Variants in IFT74 observed in about 807,000 individuals in gnomAD.
IFT74 encodes the protein intraflagellar transport 74.
Under a neutral mutation model 96.7 loss-of-function variants are expected in IFT74, and 92 were observed. The observed-to-expected ratio is 0.95, with a 90% CI of 0.80 to 1.13. IFT74 has a LOEUF of 1.13. IFT74 is among the 50% of genes most tolerant of loss of function. The probability of loss-of-function intolerance (pLI) is 0.00; values close to 1 mark genes in which losing one functional copy is unlikely to be tolerated. For synonymous variants in IFT74, 223 were observed against 213.2 expected, an observed-to-expected ratio of 1.05 and a Z score of -0.40; for missense variants, 811 against 698.2, an observed-to-expected ratio of 1.16 and a Z score of -1.82.
intron 9 of IFT74, among the ~76,000 whole-genome samples, chr9:27,009,821 A>T (rs1587346379): frequency 6.6e-6 from 1 of 152,062 alleles, no homozygotes; most frequent in Non-Finnish European, 1.5e-5. Flanking sequence ...TTCCATTTTT[A>T]AAAATTAATT....
chr9:26,967,066 G>A (rs929339503), intron 2 of IFT74, among the ~76,000 whole-genome samples: 1 of 150,428 alleles, frequency 6.6e-6, no homozygotes, highest in African/African-American at 2.4e-5. Context: ...ATTCAGGATG[G>A]GTTTGGCTAT....
chr9:26,968,640 C>T (rs1486223995), intron 2 of IFT74, among the ~76,000 whole-genome samples: 4 of 152,094 alleles, frequency 2.6e-5, no homozygotes, highest in Non-Finnish European at 5.9e-5. Context: ...GTTCAGTCTC[C>T]GTTGGTTGTA....
At chr9:26,961,851 G>C in intron 1 of IFT74, 98 bp from the exon 2 acceptor site, 1 of 1,325,348 alleles carries the variant, frequency 7.5e-7, no homozygotes, top group East Asian at 2.3e-5. Context: ...CAGTTTGCAA[G>C]AACAATTGTT....
At chr9:27,053,099 G>A (rs1433181186) in intron 16 of IFT74, among the ~76,000 whole-genome samples, 4 of 148,608 alleles carry the variant, frequency 2.7e-5, no homozygotes, top group South Asian at 2.1e-4. Context: ...TCCTGACCTC[G>A]TGATCCGCCC....
chr9:26,962,805 A>G (rs1297952887), intron 2 of IFT74, among the ~76,000 whole-genome samples: 2 of 152,090 alleles, frequency 1.3e-5, no homozygotes, highest in Non-Finnish European at 2.9e-5. Flanking sequence ...TTTATTATAT[A>G]TCTGAATTTA....
chr9:27,008,995 G>A (rs542539670), intron 8 of IFT74, 25 bp from the exon 9 acceptor site: 7 of 1,590,206 alleles, frequency 4.4e-6, no homozygotes, highest in Middle Eastern at 1.8e-4. Flanking sequence ...ATAGTATCAG[G>A]AATATTACGT....
chr9:26,947,229 G>A, intron 1 of IFT74: 1 of 628,622 alleles, frequency 1.6e-6, no homozygotes, highest in Non-Finnish European at 2.6e-6. Context: ...CGGGCCGAGT[G>A]ACACAGCAAG....
intron 8 of IFT74, among the ~76,000 whole-genome samples, chr9:27,004,436 T>C (rs955727935): frequency 6.6e-6 from 1 of 152,230 alleles, no homozygotes; most frequent in Admixed American, 6.5e-5. Flanking sequence ...TGTGAGAGTT[T>C]TCACATATTT....
intron 16 of IFT74, among the ~76,000 whole-genome samples, chr9:27,054,746 GCAACA>G (rs1587423424): frequency 6.6e-6 from 1 of 152,148 alleles, no homozygotes. Context: ...GTTGAAAAAG[GCAACA>G]CTCTGCCTTC....
At chr9:27,015,676 T>A (rs1829304495) in intron 10 of IFT74, among the ~76,000 whole-genome samples, 1 of 152,134 alleles carries the variant, frequency 6.6e-6, no homozygotes, top group Admixed American at 6.6e-5. Flanking sequence ...TCTAAGAATT[T>A]TATTTTGTTC....
At chr9:27,003,057 C>T (rs1828584415) in intron 8 of IFT74, among the ~76,000 whole-genome samples, 1 of 152,078 alleles carries the variant, frequency 6.6e-6, no homozygotes, top group African/African-American at 2.4e-5. Context: ...CTATCGTAAA[C>T]AGGCTTGCTT....
chr9:27,047,240 A>G (rs1386357814), intron 14 of IFT74, 34 bp from the exon 15 acceptor site: 14 of 1,253,306 alleles, frequency 1.1e-5, no homozygotes, highest in Non-Finnish European at 1.4e-5. Flanking sequence ...TAACTCTATC[A>G]GCAGTAATCT....
At chr9:27,054,921 A>G (rs1820093101) in intron 16 of IFT74, among the ~76,000 whole-genome samples, 1 of 152,242 alleles carries the variant, frequency 6.6e-6, no homozygotes, top group Non-Finnish European at 1.5e-5. Context: ...TCATAGCCTT[A>G]TGGAGAAAAT....
chr9:27,007,277 A>G (rs921746870), intron 8 of IFT74, among the ~76,000 whole-genome samples: 1 of 152,204 alleles, frequency 6.6e-6, no homozygotes, highest in African/African-American at 2.4e-5. Flanking sequence ...CTTATGCTGT[A>G]ATTTCTCCTC....
At chr9:27,005,289 T>C (rs528809444) in intron 8 of IFT74, among the ~76,000 whole-genome samples, 2 of 150,314 alleles carry the variant, frequency 1.3e-5, no homozygotes, top group South Asian at 4.2e-4. Context: ...TTCAGAATGC[T>C]CTGTGATTAA....
chr9:26,947,154 GC>G (rs1337003729), intron 1 of IFT74: 1 of 1,303,336 alleles, frequency 7.7e-7, no homozygotes, highest in African/African-American at 1.6e-5. Context: ...CAGGTAAGGG[GC>G]GGCCGGAGAC....
upstream of IFT74, among the ~76,000 whole-genome samples, chr9:26,953,173 A>G (rs1825985714): frequency 6.6e-6 from 1 of 152,008 alleles, no homozygotes; most frequent in Non-Finnish European, 1.5e-5. Flanking sequence ...GAGATAAGGA[A>G]CTCTCTGAGA....
intron 12 of IFT74, among the ~76,000 whole-genome samples, chr9:27,021,843 CTATT>C (rs768449964): frequency 2.0e-4 from 30 of 152,144 alleles, no homozygotes; most frequent in Admixed American, 2.0e-4. Context: ...TAAGTCCCAT[CTATT>C]TATCTTTGTT....
chr9:27,061,273 T>G (rs1379459819), intron 19 of IFT74, among the ~76,000 whole-genome samples: 1 of 152,168 alleles, frequency 6.6e-6, no homozygotes, highest in East Asian at 1.9e-4. Context: ...TGCCCAGATT[T>G]TGGAGTTGGG....
Sources: allele counts gnomAD v4.1 joint callset (sites outside exome capture counted in the v4.1 genomes callset), GRCh38; gene constraint gnomAD v4.1.1; transcripts MANE v1.5; gene names NCBI Gene and HGNC (gene_info 2026-07-23, HGNC 2026-07-21).